GNAQ: variants seen among roughly 807,000 people sequenced by gnomAD.
GNAQ encodes G protein subunit alpha q, also known as guanine nucleotide-binding protein G(q) subunit alpha.
GNAQ carries 8 observed loss-of-function variants against 43.9 expected under a neutral mutation model. The ratio of observed to expected loss-of-function variants is 0.18; its 90% CI spans 0.11 to 0.33. The LOEUF is 0.33. GNAQ is among the 10% of genes least tolerant of loss of function. The pLI is 1.00. For synonymous variants in GNAQ, 155 were observed against 170.7 expected (o/e 0.91, Z 0.71); for missense variants, 158 against 450.8 (o/e 0.35, Z 5.88).
chr9:77,925,327 G>A (rs2118288016), intron 1 of GNAQ, among the ~76,000 whole-genome samples: 1 of 152,254 alleles, frequency 6.6e-6, no homozygotes, highest in Middle Eastern at 3.4e-3. Flanking sequence ...TATTTATAAA[G>A]TGTTTTCTAT....
chr9:77,968,990 G>A (rs1339462798), intron 1 of GNAQ, among the ~76,000 whole-genome samples: 1 of 152,208 alleles, frequency 6.6e-6, no homozygotes, highest in Non-Finnish European at 1.5e-5. Flanking sequence ...TGTGATGGCG[G>A]AGCCAAGAGC....
intron 2 of GNAQ, among the ~76,000 whole-genome samples, chr9:77,842,935 A>C (rs1009712479): frequency 1.3e-5 from 2 of 152,210 alleles, no homozygotes; most frequent in Non-Finnish European, 2.9e-5. Context: ...ATCCCTACTG[A>C]AAGGGCTCAA....
At position 77,908,612 on chromosome 9, in the gene GNAQ, C is replaced by T. The variant is rs145843189; in HGVS notation, c.321+13549G>A. 3.0e-3 allele frequency among the ~76,000 whole-genome samples: 453 copies of T among 152,288 alleles called. 1 individual carries two copies. Among genetic ancestry groups the T allele is most frequent in the African/African-American group, 0.01 (431 of 41,560 alleles). ...TCACACTAACCATACAAAGTGAATA[C>T]TATTATCTCCTCACATTTCCGACAA... is the stretch of plus-strand genomic sequence containing the variant. On this transcript the variant is annotated intron_variant, in intron 2 of 6. Transcript: ENST00000286548.
intron 1 of GNAQ, among the ~76,000 whole-genome samples, chr9:78,016,467 C>T (rs1264540609): frequency 2.0e-5 from 3 of 152,082 alleles, no homozygotes; most frequent in South Asian, 2.1e-4. Flanking sequence ...GGGCGGATCA[C>T]GAGGCCAGGA....
chr9:77,786,953 TG>T (rs1319258905), intron 5 of GNAQ, among the ~76,000 whole-genome samples: 1 of 151,990 alleles, frequency 6.6e-6, no homozygotes, highest in Non-Finnish European at 1.5e-5. Context: ...AATAGTAAAA[TG>T]GGTAAGTAAA....
At chr9:77,837,847 A>ATTTTTT (rs71360655) in intron 2 of GNAQ, among the ~76,000 whole-genome samples, 1 of 128,966 alleles carries the variant, frequency 7.8e-6, no homozygotes, top group African/African-American at 3.0e-5. Flanking sequence ...AGTGATTTAA[A>ATTTTTT]TTTTTTTTTT....
At chr9:77,915,544 T>C (rs111550708) in intron 2 of GNAQ, among the ~76,000 whole-genome samples, 1,523 of 152,174 alleles carry the variant, frequency 0.01, 30 homozygotes, top group African/African-American at 0.035. Context: ...ATGAGACATT[T>C]TCACATACAT....
At position 77,865,063 on chromosome 9, in the gene GNAQ, TA is replaced by T. The variant is rs918498048; in HGVS notation, c.322-49294del. Reference sequence around the variant, plus strand: ...AAAGAAAATTAACCCCTTTTCACCCTAAGCTGCAAACGGAGTCAAATTTATT... The same window carrying T: ...AAAGAAAATTAACCCCTTTTCACCCTAGCTGCAAACGGAGTCAAATTTATT... On this transcript the variant is annotated intron_variant, in intron 2 of 6. Transcript: ENST00000286548. Among the ~76,000 whole-genome samples, 18 of 152,318 alleles carry T rather than the reference TA, an allele frequency of 1.2e-4. 1 individual carries two copies. Among genetic ancestry groups the T allele is most frequent in the African/African-American group, 4.3e-4 (18 of 41,576 alleles).
chr9:78,000,620 T>C (rs1255651218), intron 1 of GNAQ, among the ~76,000 whole-genome samples: 2 of 152,200 alleles, frequency 1.3e-5, no homozygotes, highest in Non-Finnish European at 2.9e-5. Context: ...AGCATAGTAA[T>C]TCTGCTAAGA....
chr9:77,967,994 T>A (rs1587436628), intron 1 of GNAQ, among the ~76,000 whole-genome samples: 1 of 152,102 alleles, frequency 6.6e-6, no homozygotes, highest in South Asian at 2.1e-4. Flanking sequence ...AAAATAATAA[T>A]AAACAACAAC....
At chr9:77,996,600 C>T (rs1010959713) in intron 1 of GNAQ, among the ~76,000 whole-genome samples, 1 of 149,800 alleles carries the variant, frequency 6.7e-6, no homozygotes, top group Non-Finnish European at 1.5e-5. Flanking sequence ...ATCATTTGAA[C>T]CCGGGAGGTG....
chr9:78,008,322 T>C (rs1381741704), intron 1 of GNAQ, among the ~76,000 whole-genome samples: 1 of 152,202 alleles, frequency 6.6e-6, no homozygotes, highest in Non-Finnish European at 1.5e-5. Context: ...AAGAAGGGCC[T>C]TTCATCTGTG....
chr9:77,820,925 T>C (rs114883068), intron 2 of GNAQ, among the ~76,000 whole-genome samples: 2,257 of 152,314 alleles, frequency 0.015, 51 homozygotes, highest in African/African-American at 0.045. Flanking sequence ...GTACAAAATA[T>C]TATAATTACT....
At position 77,863,361 on chromosome 9, in the gene GNAQ, C is replaced by T. The variant is rs569719888; in HGVS notation, c.322-47591G>A. On this transcript the variant is annotated intron_variant, in intron 2 of 6. Transcript: ENST00000286548. The stretch of plus-strand genomic sequence containing the variant: ...TGCCAGGCTCTTTGTTAAAACATAA[C>T]AAGAGTCACCTTTGCTCCAGTTCCC... 4.6e-5 allele frequency among the ~76,000 whole-genome samples: 7 copies of T among 152,286 alleles called. No individual in the cohort carries two copies. In the South Asian group the frequency reaches 1.5e-3, roughly 32 times the overall value.
At chr9:77,769,032 A>G (rs988751639) in intron 5 of GNAQ, among the ~76,000 whole-genome samples, 3 of 152,228 alleles carry the variant, frequency 2.0e-5, no homozygotes, top group Non-Finnish European at 2.9e-5. Context: ...CTGGGAAGAC[A>G]GAGGGCAAGG....
At chr9:77,855,266 G>A (rs1564131175) in intron 2 of GNAQ, among the ~76,000 whole-genome samples, 1 of 152,042 alleles carries the variant, frequency 6.6e-6, no homozygotes, top group Non-Finnish European at 1.5e-5. Context: ...GAAAGGAAAA[G>A]TAATTACAGA....
chr9:77,858,495 CCT>C (rs1246761764), intron 2 of GNAQ, among the ~76,000 whole-genome samples: 1 of 151,720 alleles, frequency 6.6e-6, no homozygotes, highest in Non-Finnish European at 1.5e-5. Flanking sequence ...CCTTAATCAC[CCT>C]CTCTCAATCA....
chr9:77,868,998 G>A (rs190876504), intron 2 of GNAQ, among the ~76,000 whole-genome samples: 1 of 151,952 alleles, frequency 6.6e-6, no homozygotes, highest in Admixed American at 6.6e-5. Flanking sequence ...CGGGGGAGGG[G>A]GGAAGAAATA....
intron 2 of GNAQ, among the ~76,000 whole-genome samples, chr9:77,914,567 CAGG>C (rs1253275407): frequency 2.6e-5 from 4 of 152,046 alleles, no homozygotes; most frequent in Non-Finnish European, 5.9e-5. Flanking sequence ...GAGGCTGAGG[CAGG>C]AGAATCGCTT....
Sources: allele counts gnomAD v4.1 joint callset (sites outside exome capture counted in the v4.1 genomes callset), GRCh38; gene constraint gnomAD v4.1.1; transcripts MANE v1.5; gene names NCBI Gene and HGNC (gene_info 2026-07-23, HGNC 2026-07-21).